Variants in ZSCAN31 observed in about 807,000 individuals in gnomAD.
ZSCAN31 encodes zinc finger and SCAN domain-containing protein 31.
Under a neutral mutation model 22.5 loss-of-function variants are expected in ZSCAN31, and 14 were observed. The ratio of observed to expected loss-of-function variants is 0.62; its 90% CI spans 0.41 to 0.97. ZSCAN31 has a LOEUF of 0.97. ZSCAN31 is among the 50% of genes least tolerant of loss of function. The pLI is 0.00. For synonymous variants in ZSCAN31, 168 were observed against 169.8 expected, an observed-to-expected ratio of 0.99 and a Z score of 0.08; for missense variants, 424 against 483.4, an observed-to-expected ratio of 0.88 and a Z score of 1.15.
In ZSCAN31 at chr6:28,329,310, C is replaced by T; in HGVS notation, c.374G>A (p.Gly125Glu). ...CCATCTTTCTCCTCTCACCTGGTTC[C>T]CTGGCTCACTAAGCTCTTGTTCCAG... ...EDLEQELSEPGNQAPDHEHGH... is the reference protein window; with the variant it reads ...EDLEQELSEPENQAPDHEHGH... Residue 125 changes from glycine to glutamate, a missense_variant, in exon 2 of 4, where the codon GGG becomes GAG. Transcript: ENST00000344279. 3 of 1,576,270 alleles carry T rather than the reference C, an allele frequency of 1.9e-6. No individual in the cohort carries two copies. Among genetic ancestry groups the T allele is most frequent in the Non-Finnish European group, 2.6e-6 (3 of 1,164,322 alleles).
At chr6:28,354,200 C>G (rs1765267447), upstream of ZSCAN31, 1 of 347,280 alleles carries the variant, frequency 2.9e-6, no homozygotes, top group African/African-American at 2.1e-5. Context: ...TCTCTGGGCA[C>G]AAGTCCTATG....
intron 1 of ZSCAN31, among the ~76,000 whole-genome samples, chr6:28,332,859 T>C (rs1763866486): frequency 6.6e-6 from 1 of 152,204 alleles, no homozygotes; most frequent in South Asian, 2.1e-4. Flanking sequence ...ACATTAAAGA[T>C]TGGATTTAGA....
chr6:28,327,164 C>CA (rs1381017346), intron 3 of ZSCAN31, among the ~76,000 whole-genome samples: 2 of 152,146 alleles, frequency 1.3e-5, no homozygotes, highest in Non-Finnish European at 2.9e-5. Flanking sequence ...TTTTAAATCT[C>CA]AAATGACTCT....
At position 28,333,297 on chromosome 6, in the gene ZSCAN31, A is replaced by G. The variant is rs1763900839; in HGVS notation, c.-96+2785T>C. Among the ~76,000 whole-genome samples, 1 of 152,194 alleles carries G rather than the reference A, an allele frequency of 6.6e-6. No individual in the cohort carries two copies. ...GAGACTCATTACTAGTAACTAACCTATTTATTTGCTCATTTAGTCAATAAA... is the reference window on the plus strand; with the variant it reads ...GAGACTCATTACTAGTAACTAACCTGTTTATTTGCTCATTTAGTCAATAAA... On this transcript the variant is annotated intron_variant, in intron 1 of 3. Coordinates refer to ENST00000344279, the MANE Select transcript of ZSCAN31 (RefSeq NM_030899.5). This position sits in a 1 kb window ranked among gnomAD's most constrained non-coding sequence, Gnocchi z 4.1.
Position 28,326,845 on chromosome 6 carries a change from C to T in ZSCAN31, c.542G>A (p.Ser181Asn), listed in dbSNP as rs768472174. The change falls in exon 4 of 4, where the codon AGT becomes AAT. Residue 181 changes from serine to asparagine, a missense_variant. Physicochemically the swap from Ser to Asn is conservative, Grantham distance 46 (BLOSUM62 1). Transcript: ENST00000344279. ...TGCCAACTCCTGGTTCTCAGGTATA[C>T]TTTCACCATCTGGAATAATAAATGG... ...LHQFQEQDGE[S>N]IPENQELASK... is the part of the protein sequence containing the mutation. The T allele has an allele frequency of 1.2e-6, 2 of 1,608,118 alleles. No homozygotes were observed. Among genetic ancestry groups the T allele is most frequent in the Non-Finnish European group, 1.7e-6 (2 of 1,178,270 alleles).
At chr6:28,343,919 T>A (rs1319435402) in intron 2 of ZSCAN31, among the ~76,000 whole-genome samples, 1 of 152,216 alleles carries the variant, frequency 6.6e-6, no homozygotes, top group Non-Finnish European at 1.5e-5. Flanking sequence ...TTTCCATCCC[T>A]CTTAGAAAGG....
At chr6:28,346,453 GT>G (rs777740750) in intron 2 of ZSCAN31, among the ~76,000 whole-genome samples, 2 of 147,584 alleles carry the variant, frequency 1.4e-5, no homozygotes, top group Non-Finnish European at 3.0e-5. Context: ...TGCCTCCCAG[GT>G]TCAAGCGATT....
Position 28,327,415 on chromosome 6 carries a change from T to C in ZSCAN31, c.500A>G (p.Glu167Gly), listed in dbSNP as rs540566826. Residue 167 changes from glutamate to glycine, a missense_variant, in exon 3 of 4, where the codon GAA becomes GGA. Transcript: ENST00000344279. ...TTGAAATTGGTGGAGGCAAAAAGAT[T>C]CATATCTGAGCTGTGTCACCATAGG... ...LQPMVTQLRY[E>G]SFCLHQFQEQ... The C allele has an allele frequency of 6.2e-7, 1 of 1,614,060 alleles. No homozygotes were observed. Among genetic ancestry groups the C allele is most frequent in the African/African-American group, 1.3e-5 (1 of 75,008 alleles).
chr6:28,342,409 C>G (rs1309188662), intron 2 of ZSCAN31, among the ~76,000 whole-genome samples: 2 of 152,188 alleles, frequency 1.3e-5, no homozygotes, highest in African/African-American at 4.8e-5. Context: ...CACACCCCAC[C>G]ACCACACCTG....
intron 2 of ZSCAN31, among the ~76,000 whole-genome samples, chr6:28,353,110 A>G (rs546561790): frequency 1.3e-5 from 2 of 152,130 alleles, no homozygotes; most frequent in Admixed American, 6.5e-5. Flanking sequence ...CTGAGACTAT[A>G]GGCGCATGCC....
intron 2 of ZSCAN31, among the ~76,000 whole-genome samples, chr6:28,343,354 A>G (rs1581697353): frequency 6.6e-6 from 1 of 152,018 alleles, no homozygotes; most frequent in Non-Finnish European, 1.5e-5. Flanking sequence ...GTTAATATCA[A>G]TCTTAAAGAT....
chr6:28,343,534 T>C lies in ZSCAN31; in HGVS notation c.-370-1742A>G, dbSNP rs1764505750. On this transcript the variant is annotated intron_variant, in intron 2 of 7. Coordinates refer to the ZSCAN31 transcript ENST00000396838. ...GCTGCATATTTTCTTTTCTTTTTTT[T>C]TTTCTTTCTTTTTTTTTTTTTTTTT... Among the ~76,000 whole-genome samples the C allele has an allele frequency of 2.1e-5, 3 of 144,544 alleles. No individual in the cohort carries two copies. The Admixed American group carries it at 2.1e-4, about 10-fold the overall frequency. 94.8% of individuals were successfully genotyped at this position (144,544 alleles called of 152,430 possible).
intron 2 of ZSCAN31, among the ~76,000 whole-genome samples, chr6:28,343,688 G>A (rs978463402): frequency 4.6e-5 from 7 of 151,542 alleles, no homozygotes; most frequent in African/African-American, 1.7e-4. Flanking sequence ...ACCATGCCCG[G>A]CTAATATTTT....
intron 2 of ZSCAN31, among the ~76,000 whole-genome samples, chr6:28,343,760 C>A (rs1764525097): frequency 2.0e-5 from 3 of 152,014 alleles, no homozygotes; most frequent in African/African-American, 7.3e-5. Context: ...GATCTCCTGA[C>A]CTCATGATCC....
chr6:28,335,863 C>A (rs1478087116), intron 1 of ZSCAN31: 1 of 152,256 alleles, frequency 6.6e-6, no homozygotes, highest in Admixed American at 6.5e-5. Flanking sequence ...GTCTTGGAGG[C>A]AGGACAAAGA....
intron 1 of ZSCAN31, chr6:28,332,257 C>A (rs1178937463): frequency 6.6e-6 from 1 of 152,210 alleles, no homozygotes; most frequent in Non-Finnish European, 1.5e-5. Flanking sequence ...TTTTAAAATG[C>A]CTAGAAGACT....
rs1039904386 is a variant in ZSCAN31, at chr6:28,347,766, C to G, written c.-370-5974G>C. On this transcript the variant is annotated intron_variant, in intron 2 of 7. Transcript: ENST00000396838. The surrounding 1 kb of genome is among the most constrained non-coding windows in gnomAD (Gnocchi z 5.2). ...GGTAAGTACTTTGAAGCTGCTGGGC[C>G]AATGTGTGTATCATTTTCAGGTTTA... Among the ~76,000 whole-genome samples the G allele has an allele frequency of 1.6e-4, 14 of 85,608 alleles. No individual in the cohort carries two copies. The highest frequency in any genetic ancestry group is 9.4e-4 in the African/African-American group (14 of 14,904). 56.2% of individuals were successfully genotyped at this position (85,608 alleles called of 152,430 possible). A position where few individuals can be genotyped will look rare whatever the true frequency, so the allele number is the denominator to read the frequency against.
rs954199903 is a variant in ZSCAN31 at position 28,331,249 on chromosome 6, T to C, written c.-95-1471A>G. Among the ~76,000 whole-genome samples, 1 of 152,220 alleles carries C rather than the reference T, an allele frequency of 6.6e-6. No individual in the cohort carries two copies. Among genetic ancestry groups the C allele is most frequent in the Admixed American group, 6.5e-5 (1 of 15,288 alleles). The stretch of plus-strand genomic sequence containing the variant: ...TGTTGCAAGGTTGTGGCCATTTAAG[T>C]TGGGAAGTTTAATGGTAGTTAAACT... On this transcript the variant is annotated intron_variant, in intron 1 of 3. Coordinates refer to ENST00000344279, the MANE Select transcript of ZSCAN31 (RefSeq NM_030899.5). This position sits in a 1 kb window ranked among gnomAD's most constrained non-coding sequence, Gnocchi z 4.8.
chr6:28,353,844 C>T (rs1364227684), intron 2 of ZSCAN31: 1 of 456,992 alleles, frequency 2.2e-6, no homozygotes, highest in East Asian at 6.9e-5. Flanking sequence ...TATTAGCCAA[C>T]ATGTATATGG....
Sources: allele counts gnomAD v4.1 joint callset (sites outside exome capture counted in the v4.1 genomes callset), GRCh38; gene constraint gnomAD v4.1.1; non-coding constraint Gnocchi (gnomAD v3.1); transcripts MANE v1.5; gene names NCBI Gene and HGNC (gene_info 2026-07-23, HGNC 2026-07-21).